The following DUOX1 variants were observed in gnomAD, a reference collection of about 807,000 sequenced individuals.
DUOX1 encodes dual oxidase 1.
DUOX1 carries 134 observed loss-of-function variants against 181.8 expected under a neutral mutation model. That is an observed-to-expected ratio of 0.74 (90% CI 0.64 to 0.85). The LOEUF is 0.85. DUOX1 is among the 40% of genes least tolerant of loss of function. The probability of loss-of-function intolerance (pLI) is 0.00; values close to 1 mark genes in which losing one functional copy is unlikely to be tolerated. For synonymous variants in DUOX1, 798 were observed against 832.5 expected (o/e 0.96, Z 0.71); for missense variants, 1,814 against 2,064.4 (o/e 0.88, Z 2.35).
intron 29 of DUOX1, among the ~76,000 whole-genome samples, chr15:45,161,527 G>A (rs565072799): frequency 4.0e-5 from 6 of 151,604 alleles, no homozygotes; most frequent in African/African-American, 1.5e-4. Flanking sequence ...TCTCATCGCA[G>A]AGAGCAGAGA....
At chr15:45,141,173 C>T in intron 13 of DUOX1, 103 bp downstream of exon 13, 2 of 1,560,888 alleles carry the variant, frequency 1.3e-6, no homozygotes, top group East Asian at 4.5e-5. Context: ...TCCAAGCCAG[C>T]CCACCACCCA....
chr15:45,133,765 G>T, intron 2 of DUOX1, 99 bp from the exon 3 acceptor site: 1 of 1,016,120 alleles, frequency 9.8e-7, no homozygotes, highest in African/African-American at 1.6e-5. Flanking sequence ...ACTTTCTGCT[G>T]CTCCAAGTGC....
intron 2 of DUOX1, among the ~76,000 whole-genome samples, chr15:45,132,853 C>A (rs1693511461): frequency 6.6e-6 from 1 of 152,212 alleles, no homozygotes. Context: ...CCTTTATGTG[C>A]CACAGGTTCA....
At chr15:45,156,675 C>A (rs974882297) in intron 28 of DUOX1, among the ~76,000 whole-genome samples, 8 of 152,192 alleles carry the variant, frequency 5.3e-5, no homozygotes, top group South Asian at 2.1e-4. Flanking sequence ...TCGTGATCCA[C>A]CCACCTCGGC....
At chr15:45,144,342 G>A in intron 17 of DUOX1, 107 bp downstream of exon 17, 1 of 1,226,196 alleles carries the variant, frequency 8.2e-7, no homozygotes, top group South Asian at 1.3e-5. Context: ...GATAGTTACT[G>A]TGCAGGAGTC....
In DUOX1 at chr15:45,141,967, C is replaced by T; in HGVS notation, c.1685-8C>T. The T allele has an allele frequency of 6.2e-7, 1 of 1,607,714 alleles. No homozygotes were observed. Among genetic ancestry groups the T allele is most frequent in the South Asian group, 1.1e-5 (1 of 90,352 alleles). ...CACCCAGGACGCTGGCTTCCTCTGCCTTCCCAGGAGACCCCTGTCCGCAGC... is the reference window on the plus strand; with the variant it reads ...CACCCAGGACGCTGGCTTCCTCTGCTTTCCCAGGAGACCCCTGTCCGCAGC... On this transcript the variant is annotated splice_polypyrimidine_tract_variant and splice_region_variant and intron_variant, in intron 14 of 33. Coordinates refer to ENST00000389037, the MANE Select transcript of DUOX1 (RefSeq NM_175940.3).
chr15:45,149,592 T>C (rs1896753929), intron 21 of DUOX1, among the ~76,000 whole-genome samples: 1 of 152,234 alleles, frequency 6.6e-6, no homozygotes, highest in African/African-American at 2.4e-5. Context: ...CTCATGCCTG[T>C]AATCCCAGCA....
Position 45,136,061 on chromosome 15 carries a change from C to G in DUOX1, c.864+113C>G, listed in dbSNP as rs1489942151. 5 of 1,514,366 alleles carry G rather than the reference C, an allele frequency of 3.3e-6. No homozygotes were observed. The African/African-American group carries it at 4.2e-5, about 13-fold the overall frequency. 93.8% of individuals were successfully genotyped at this position (1,514,366 alleles called of 1,614,324 possible). ...ACAACCGCCACCCAGAAACCCCTCC[C>G]CAGACAGCCGAGGTCCAGGGAAGCC... On this transcript the variant is annotated intron_variant, in intron 7 of 33. Transcript: ENST00000389037.
At chr15:45,149,278 G>C (rs1017679001) in intron 21 of DUOX1, among the ~76,000 whole-genome samples, 2 of 152,300 alleles carry the variant, frequency 1.3e-5, no homozygotes, top group East Asian at 3.9e-4. Flanking sequence ...CTTCCCCCTG[G>C]GGGTAAGGAG....
intron 18 of DUOX1, among the ~76,000 whole-genome samples, chr15:45,145,918 TAAA>T (rs10713694): frequency 6.9e-6 from 1 of 145,614 alleles, no homozygotes; most frequent in Non-Finnish European, 1.5e-5. Context: ...CCATCTCAGT[TAAA>T]AAAAAAAAAA....
intron 28 of DUOX1, among the ~76,000 whole-genome samples, chr15:45,157,861 G>A (rs1166118459): frequency 6.6e-6 from 1 of 151,852 alleles, no homozygotes; most frequent in Non-Finnish European, 1.5e-5. Flanking sequence ...AAAGGTGGAG[G>A]CCTCTATGCT....
rs1186698033 is a variant in DUOX1 at position 45,161,964 on chromosome 15, C to T, written c.4083C>T (p.Tyr1361=). 2 of 1,610,346 alleles carry T rather than the reference C, an allele frequency of 1.2e-6. No homozygotes were observed. The highest frequency in any genetic ancestry group is 8.5e-7 in the Non-Finnish European group (1 of 1,178,214). The stretch of plus-strand genomic sequence containing the variant: ...CGACGGGTGACAGATGTGCCAGATA[C>T]CCAAAGGTACCAGACCCTGGCCAGA... The part of the protein sequence containing the change: ...SAPTGDRCAR[Y]PKLYLDGPFG... Residue 1361 remains tyrosine (Y), a synonymous_variant, in exon 30 of 34, where the codon TAC becomes TAT. Coordinates refer to ENST00000389037, the MANE Select transcript of DUOX1 (RefSeq NM_175940.3).
chr15:45,148,624 C>A, intron 21 of DUOX1, 177 bp downstream of exon 21: 1 of 449,518 alleles, frequency 2.2e-6, no homozygotes, highest in Non-Finnish European at 3.5e-6. Flanking sequence ...TTTATATCAA[C>A]ATAATTATAC....
At chr15:45,131,680 CT>C (rs1406820856) in intron 1 of DUOX1, 3 of 453,532 alleles carry the variant, frequency 6.6e-6, no homozygotes, top group Non-Finnish European at 1.2e-5. Context: ...CCAGGGATTT[CT>C]GTTTGTTTTG....
chr15:45,151,744 G>A (rs1212588308), intron 23 of DUOX1, 130 bp from the exon 24 acceptor site: 3 of 950,018 alleles, frequency 3.2e-6, no homozygotes, highest in Non-Finnish European at 3.2e-6. Flanking sequence ...CTTCCACAAG[G>A]GTAACTAGGT....
intron 7 of DUOX1, among the ~76,000 whole-genome samples, 188 bp from the exon 8 acceptor site, chr15:45,136,162 C>T (rs1318621176): frequency 6.6e-6 from 1 of 152,134 alleles, no homozygotes; most frequent in South Asian, 2.1e-4. Flanking sequence ...ACCTCCCCAC[C>T]CCCCACTCCC....
At position 45,135,731 on chromosome 15, in the gene DUOX1, C is replaced by A. The variant is rs1359324990; in HGVS notation, c.698-51C>A. ...TGGGGGTCTGCGAGTGTGGGCTCCC[C>A]CGATCACGCTACCGCTCGTCTCCTC... On this transcript the variant is annotated intron_variant, in intron 6 of 33. Coordinates refer to ENST00000389037, the MANE Select transcript of DUOX1 (RefSeq NM_175940.3). 9.8e-6 allele frequency: 14 copies of A among 1,434,580 alleles called. No homozygotes were observed. In the East Asian group the frequency reaches 3.0e-4, roughly 31 times the overall value. 88.9% of individuals were successfully genotyped at this position (1,434,580 alleles called of 1,614,324 possible).
chr15:45,162,884 T>C (rs978855326), intron 31 of DUOX1, among the ~76,000 whole-genome samples: 2 of 152,160 alleles, frequency 1.3e-5, no homozygotes, highest in African/African-American at 2.4e-5. Context: ...ACACGGGTCC[T>C]TTCACACCAG....
chr15:45,140,894 G>C lies in DUOX1; in HGVS notation c.1390-1G>C. Reference sequence around the variant, plus strand: ...TTACTTCTGCCCCTTCTTGGTTCCAGGTACTGGAGGCCACAGCTGCCCTGT... The same window carrying C: ...TTACTTCTGCCCCTTCTTGGTTCCACGTACTGGAGGCCACAGCTGCCCTGT... On this transcript the variant is annotated splice_acceptor_variant, in intron 12 of 33. Coordinates refer to ENST00000389037, the MANE Select transcript of DUOX1 (RefSeq NM_175940.3). LOFTEE classifies it high-confidence loss of function. 1 of 1,613,158 alleles carries C rather than the reference G, an allele frequency of 6.2e-7. No homozygotes were observed. The highest frequency in any genetic ancestry group is 8.5e-7 in the Non-Finnish European group (1 of 1,179,320).
Sources: allele counts gnomAD v4.1 joint callset (sites outside exome capture counted in the v4.1 genomes callset), GRCh38; gene constraint gnomAD v4.1.1; transcripts MANE v1.5; gene names NCBI Gene and HGNC (gene_info 2026-07-23, HGNC 2026-07-21).